PRDM15: variants seen among roughly 807,000 people sequenced by gnomAD.
The protein encoded by PRDM15 is PR domain zinc finger protein 15.
PRDM15 carries 64 observed loss-of-function variants against 128.6 expected under a neutral mutation model. The observed-to-expected ratio is 0.50, with a 90% CI of 0.41 to 0.61. The LOEUF is 0.61. Ranked by LOEUF, PRDM15 falls within the 20% of genes least tolerant of loss-of-function variation. PRDM15 has a pLI of 0.00. For synonymous variants in PRDM15, 615 were observed against 621.8 expected (o/e 0.99, Z 0.16); for missense variants, 1,242 against 1,569.1 (o/e 0.79, Z 3.52).
Position 41,810,169 on chromosome 21 carries a change from C to A in PRDM15, c.2637G>T (p.Arg879=). Residue 879 remains arginine, a synonymous_variant, in exon 21 of 24, where the codon CGG becomes CGT. Transcript: ENST00000398548. The surrounding 1 kb of genome is among the most constrained non-coding windows in gnomAD (Gnocchi z 6.4). The stretch of plus-strand genomic sequence containing the variant: ...ACCAGCTCACCTCGGGGTGCTTGCG[C>A]CGCATGTGTCGGCTCATGGAGGCCC... ...STRASMSRHM[R]RKHPEVLAVR... The A allele has an allele frequency of 6.2e-7, 1 of 1,609,292 alleles. No individual in the cohort carries two copies. The highest frequency in any genetic ancestry group is 8.5e-7 in the Non-Finnish European group (1 of 1,178,710).
chr21:41,861,552 A>G (rs1290096489), intron 1 of PRDM15: 2 of 1,574,014 alleles, frequency 1.3e-6, no homozygotes, highest in Non-Finnish European at 1.7e-6. Flanking sequence ...CCAATCCCCA[A>G]CTGTGCGCAC....
intron 11 of PRDM15, among the ~76,000 whole-genome samples, chr21:41,834,949 C>T (rs1215905429): frequency 6.6e-6 from 1 of 152,172 alleles, no homozygotes; most frequent in African/African-American, 2.4e-5. Context: ...CAAGCAGGCT[C>T]AGAACAAAAA....
intron 6 of PRDM15, among the ~76,000 whole-genome samples, chr21:41,841,076 C>A (rs1351177186): frequency 6.6e-6 from 1 of 151,994 alleles, no homozygotes; most frequent in Non-Finnish European, 1.5e-5. Context: ...CAATAGGACA[C>A]AGAGAAAATA....
chr21:41,801,208 C>A lies in PRDM15; in HGVS notation c.*32G>T. On this transcript the variant is annotated 3_prime_UTR_variant, in exon 24 of 24. Coordinates refer to ENST00000398548, the MANE Select transcript of PRDM15 (RefSeq NM_001040424.3). ...TAAACAAATCCCAAACATCCCTCTG[C>A]AGTTCTTGCCCCGAGTCTCCCGGAA... The A allele has an allele frequency of 6.6e-7, 1 of 1,504,536 alleles. No individual in the cohort carries two copies. Among genetic ancestry groups the A allele is most frequent in the East Asian group, 2.3e-5 (1 of 43,958 alleles). 93.2% of individuals were successfully genotyped at this position (1,504,536 alleles called of 1,614,324 possible).
chr21:41,834,713 G>A lies in PRDM15; in HGVS notation c.1366+724C>T, dbSNP rs557294311. 7.9e-5 allele frequency: 50 copies of A among 629,910 alleles called. No homozygotes were observed. The Admixed American group carries it at 1.2e-3, about 16-fold the overall frequency. 39.0% of individuals were successfully genotyped at this position (629,910 alleles called of 1,614,324 possible). The stretch of plus-strand genomic sequence containing the variant: ...CCAGAGGGTGCACGTCATCACTGCA[G>A]AATACAGGGGCGTCCTCGGGCCACG... On this transcript the variant is annotated intron_variant, in intron 11 of 23. Transcript: ENST00000398548.
At chr21:41,845,357 C>T (rs1356324214) in intron 6 of PRDM15, among the ~76,000 whole-genome samples, 1 of 146,596 alleles carries the variant, frequency 6.8e-6, no homozygotes, top group Non-Finnish European at 1.5e-5. Flanking sequence ...CGTTCACAGG[C>T]CGGCCTTTGG....
rs1393913247 is a variant in PRDM15, at chr21:41,800,688, A to G, written c.*552T>C. The G allele has an allele frequency of 6.6e-6, 1 of 151,944 alleles. No individual in the cohort carries two copies. Among genetic ancestry groups the G allele is most frequent in the Non-Finnish European group, 1.5e-5 (1 of 68,258 alleles). 9.4% of individuals were successfully genotyped at this position (151,944 alleles called of 1,614,324 possible). ...GGTTTCAGCCCATAGTTGTATAAGA[A>G]CCGACTCCACTCCTAGTTCAAAGAG... On this transcript the variant is annotated 3_prime_UTR_variant, in exon 24 of 24. Transcript: ENST00000398548.
At position 41,836,615 on chromosome 21, in the gene PRDM15, T is replaced by C. The variant is rs1328250945; in HGVS notation, c.1036A>G (p.Lys346Glu). 6.2e-7 allele frequency: 1 copy of C among 1,612,768 alleles called. No homozygotes were observed. The change falls in exon 9 of 24, where the codon AAG (lysine) becomes GAG (glutamate). Residue 346 changes from lysine to glutamate, a missense_variant. This residue lies in a region of PRDM15 where 612 missense variants were observed against 717.0 expected (regional missense o/e 0.85). Coordinates refer to ENST00000398548, the MANE Select transcript of PRDM15 (RefSeq NM_001040424.3). ...CTGCTTGAGAGAATTAAGCTCCTCTTGAGCGTGATGGTGTTATTCTGATGA... is the reference window on the plus strand; with the variant it reads ...CTGCTTGAGAGAATTAAGCTCCTCTCGAGCGTGATGGTGTTATTCTGATGA... ...THHQNNTITL[K>E]RSLILSSRHG...
intron 13 of PRDM15, among the ~76,000 whole-genome samples, chr21:41,825,522 C>T (rs1328316980): frequency 6.6e-6 from 1 of 152,234 alleles, no homozygotes; most frequent in Non-Finnish European, 1.5e-5. Context: ...ATCGGCCATG[C>T]TCTAACTTAC....
intron 19 of PRDM15, chr21:41,812,137 G>A (rs2061886599): frequency 6.6e-6 from 1 of 152,158 alleles, no homozygotes; most frequent in South Asian, 2.1e-4. Context: ...CCAAGGGAGG[G>A]GCCTTAACCC....
rs1436444827 is a variant in PRDM15, at chr21:41,862,981, C to T, written c.-9-2609G>A. 6.6e-6 allele frequency among the ~76,000 whole-genome samples: 1 copy of T among 151,918 alleles called. No individual in the cohort carries two copies. Among genetic ancestry groups the T allele is most frequent in the Non-Finnish European group, 1.5e-5 (1 of 67,990 alleles). On this transcript the variant is annotated intron_variant, in intron 1 of 23. Transcript: ENST00000398548. This position sits in a 1 kb window ranked among gnomAD's most constrained non-coding sequence, Gnocchi z 4.1. ...GTCAGGAGTTCGAGACCAGCCTGGC[C>T]GACATGGTGAAACCCCATCTCTACT...
intron 1 of PRDM15, among the ~76,000 whole-genome samples, chr21:41,875,503 T>A (rs1286465884): frequency 6.6e-6 from 1 of 152,256 alleles, no homozygotes; most frequent in Non-Finnish European, 1.5e-5. Context: ...ATTTCCAGCA[T>A]ACTGTAAATA....
At chr21:41,872,083 T>G (rs1202046207) in intron 1 of PRDM15, 1 of 152,868 alleles carries the variant, frequency 6.5e-6, no homozygotes, top group African/African-American at 2.4e-5. Context: ...ATTTCTTTTA[T>G]GATTTCTTCT....
At chr21:41,820,229 C>A in intron 16 of PRDM15, 55 bp from the exon 17 acceptor site, 1 of 1,424,484 alleles carries the variant, frequency 7.0e-7, no homozygotes. Context: ...TCCACGGCAG[C>A]GAGGGCACTT....
At chr21:41,873,527 T>C (rs1266889083) in intron 1 of PRDM15, among the ~76,000 whole-genome samples, 1 of 152,168 alleles carries the variant, frequency 6.6e-6, no homozygotes, top group Non-Finnish European at 1.5e-5. Context: ...GAATTTTTGT[T>C]ATAGCTCCCG....
chr21:41,861,597 C>A, intron 1 of PRDM15: 1 of 1,607,592 alleles, frequency 6.2e-7, no homozygotes, highest in Non-Finnish European at 8.5e-7. Flanking sequence ...TTCTCTGATG[C>A]CCGTTGCTGA....
intron 22 of PRDM15, 196 bp from the exon 23 acceptor site, chr21:41,803,117 G>T: frequency 1.7e-6 from 1 of 587,784 alleles, no homozygotes; most frequent in Admixed American, 3.0e-5. Context: ...TTTAGTTGCA[G>T]ATTTAAAAAA....
Position 41,821,057 on chromosome 21 carries a change from C to T in PRDM15, c.2060+10G>A, listed in dbSNP as rs773976511. 11 of 1,614,160 alleles carry T rather than the reference C, an allele frequency of 6.8e-6. No homozygotes were observed. The highest frequency in any genetic ancestry group is 9.3e-6 in the Non-Finnish European group (11 of 1,180,000). On this transcript the variant is annotated intron_variant, in intron 16 of 23. Transcript: ENST00000398548. The surrounding 1 kb of genome is among the most constrained non-coding windows in gnomAD (Gnocchi z 5.4). ...CTGACACAACCCGGGAGCCCCCGAC[C>T]AGGCCTCACTTCTGCACGTTGGGGT...
At chr21:41,844,470 C>T (rs1473558326) in intron 6 of PRDM15, among the ~76,000 whole-genome samples, 10 of 102,572 alleles carry the variant, frequency 9.7e-5, no homozygotes, top group African/African-American at 3.5e-4. Flanking sequence ...GAGCCCCTCC[C>T]CCCTCACAGG....
Sources: gnomAD v4.1 joint callset for allele counts (sites outside exome capture counted in the v4.1 genomes callset) on GRCh38, gnomAD v4.1.1 for gene constraint, gnomAD v4.1.1 regional missense constraint, Gnocchi (gnomAD v3.1) non-coding constraint, MANE v1.5 for transcripts, NCBI Gene and HGNC (gene_info 2026-07-23, HGNC 2026-07-21) for gene names.